The following CAMTA1 variants were observed in gnomAD, a reference collection of about 807,000 sequenced individuals.
The protein encoded by CAMTA1 is calmodulin binding transcription activator 1.
Under a neutral mutation model 170.9 loss-of-function variants are expected in CAMTA1, and 27 were observed. The observed-to-expected ratio is 0.16, with a 90% CI of 0.12 to 0.22. The LOEUF is 0.22. CAMTA1 is among the 10% of genes least tolerant of loss of function. The pLI is 1.00. For synonymous variants in CAMTA1, 833 were observed against 891.5 expected, an observed-to-expected ratio of 0.93 and a Z score of 1.17; for missense variants, 1,619 against 2,217.2, an observed-to-expected ratio of 0.73 and a Z score of 5.42.
At chr1:7,666,012 A>G (rs1056693550) in intron 9 of CAMTA1, among the ~76,000 whole-genome samples, 19 of 152,058 alleles carry the variant, frequency 1.2e-4, no homozygotes, top group Admixed American at 1.2e-3. Flanking sequence ...TACTAAAAAT[A>G]CAAAAAATTA....
chr1:7,682,533 G>A lies in CAMTA1; in HGVS notation c.2914+4800G>A, dbSNP rs1183429691. Among the ~76,000 whole-genome samples, 1 of 152,254 alleles carries A rather than the reference G, an allele frequency of 6.6e-6. No individual in the cohort carries two copies. Among genetic ancestry groups the A allele is most frequent in the East Asian group, 1.9e-4 (1 of 5,200 alleles). ...TTCGGAGCTGCCACCTTAGGTGTGA[G>A]AGGGCCTGTCCCTGGCATGTGGCTG... On this transcript the variant is annotated intron_variant, in intron 11 of 22. Coordinates refer to ENST00000303635, the MANE Select transcript of CAMTA1 (RefSeq NM_015215.4). This position sits in a 1 kb window ranked among gnomAD's most constrained non-coding sequence, Gnocchi z 5.0.
chr1:6,883,201 C>T (rs1290644429), intron 3 of CAMTA1, among the ~76,000 whole-genome samples: 1 of 152,116 alleles, frequency 6.6e-6, no homozygotes, highest in Non-Finnish European at 1.5e-5. Flanking sequence ...GACAAGGAAG[C>T]TCATGTTTCA....
chr1:7,324,957 C>T (rs536784168), intron 5 of CAMTA1, among the ~76,000 whole-genome samples: 1 of 152,266 alleles, frequency 6.6e-6, no homozygotes, highest in Admixed American at 6.5e-5. Flanking sequence ...CCATGACCAA[C>T]CCCCACCCAG....
intron 5 of CAMTA1, among the ~76,000 whole-genome samples, chr1:7,252,503 G>C (rs932973700): frequency 6.6e-6 from 1 of 152,210 alleles, no homozygotes; most frequent in African/African-American, 2.4e-5. Context: ...AAGCCCAGGG[G>C]GTGTGCTCTG....
intron 3 of CAMTA1, among the ~76,000 whole-genome samples, chr1:6,925,166 A>G (rs1485226121): frequency 3.9e-5 from 6 of 152,180 alleles, no homozygotes; most frequent in Non-Finnish European, 8.8e-5. Flanking sequence ...TGGAGAAGCC[A>G]TTTCTGAACC....
In CAMTA1 at chr1:7,532,147, C is replaced by T. The variant is rs771389477; in HGVS notation, c.510+64246C>T. 1.1e-4 allele frequency among the ~76,000 whole-genome samples: 16 copies of T among 151,992 alleles called. No homozygotes were observed. The highest frequency in any genetic ancestry group is 2.1e-4 in the Non-Finnish European group (14 of 68,020). On this transcript the variant is annotated intron_variant, in intron 6 of 22. Coordinates refer to ENST00000303635, the MANE Select transcript of CAMTA1 (RefSeq NM_015215.4). The surrounding 1 kb of genome is among the most constrained non-coding windows in gnomAD (Gnocchi z 4.2). ...CTGGAGGCTCCCGGGCCCACCCGAG[C>T]CCTAAGCTGCAGCCCTTGGGACGTC...
At chr1:6,884,218 G>T (rs1220958511) in intron 3 of CAMTA1, among the ~76,000 whole-genome samples, 1 of 151,298 alleles carries the variant, frequency 6.6e-6, no homozygotes, top group Non-Finnish European at 1.5e-5. Context: ...ATGGCAGTTG[G>T]TAGAGGTCAT....
intron 22 of CAMTA1, among the ~76,000 whole-genome samples, chr1:7,758,841 A>G (rs2096952397): frequency 6.6e-6 from 1 of 150,492 alleles, no homozygotes; most frequent in African/African-American, 2.4e-5. Context: ...AGGCTGAGGC[A>G]GGAGAATGGT....
intron 6 of CAMTA1, among the ~76,000 whole-genome samples, chr1:7,566,588 A>C (rs923514954): frequency 6.6e-6 from 1 of 152,050 alleles, no homozygotes; most frequent in Admixed American, 6.5e-5. Flanking sequence ...CAAGAAAATC[A>C]CATGACCATG....
chr1:7,398,183 CTCTCTCTCTCTATATATATATATAT>C (rs1162945319), intron 5 of CAMTA1, among the ~76,000 whole-genome samples: 1 of 45,220 alleles, frequency 2.2e-5, no homozygotes, highest in African/African-American at 8.8e-5. Context: ...CTCTCTCTCT[CTCTCTCTCTCTATATATATATATAT>C]ATATATATAT....
chr1:7,409,846 G>C (rs1296879874), intron 5 of CAMTA1, among the ~76,000 whole-genome samples: 1 of 152,228 alleles, frequency 6.6e-6, no homozygotes, highest in Admixed American at 6.5e-5. Flanking sequence ...TGACACCCAA[G>C]TTCTTTTGGA....
At chr1:7,296,265 C>A (rs1673926590) in intron 5 of CAMTA1, among the ~76,000 whole-genome samples, 1 of 152,076 alleles carries the variant, frequency 6.6e-6, no homozygotes, top group Non-Finnish European at 1.5e-5. Context: ...AAATGGAGGC[C>A]CAGAGAGTTA....
At chr1:7,330,657 A>G (rs1332978766) in intron 5 of CAMTA1, among the ~76,000 whole-genome samples, 2 of 152,356 alleles carry the variant, frequency 1.3e-5, no homozygotes, top group South Asian at 4.1e-4. Flanking sequence ...TACCCAGGAC[A>G]TGTGAACATG....
chr1:7,373,166 C>A (rs998936197), intron 5 of CAMTA1, among the ~76,000 whole-genome samples: 2 of 152,170 alleles, frequency 1.3e-5, no homozygotes, highest in Admixed American at 1.3e-4. Context: ...GGGGGGCTGT[C>A]CTGTGCATTG....
At chr1:7,346,401 A>C (rs1205988636) in intron 5 of CAMTA1, among the ~76,000 whole-genome samples, 1 of 152,156 alleles carries the variant, frequency 6.6e-6, no homozygotes. Context: ...GATGACTCTG[A>C]GCTGCCTCCT....
intron 5 of CAMTA1, among the ~76,000 whole-genome samples, chr1:7,274,388 G>C (rs904349642): frequency 6.6e-6 from 1 of 152,146 alleles, no homozygotes; most frequent in African/African-American, 2.4e-5. Context: ...TGATAAGAGG[G>C]TCAGTCCGTT....
Position 7,249,775 on chromosome 1 carries a change from T to C in CAMTA1, c.438+149T>C, listed in dbSNP as rs966922469. The stretch of plus-strand genomic sequence containing the variant: ...CCCTGGTTTTTGCTTTTGTTTCGTT[T>C]TTCTACCTTCTTACCCTATAGTCTC... On this transcript the variant is annotated intron_variant, in intron 5 of 22. Coordinates refer to ENST00000303635, the MANE Select transcript of CAMTA1 (RefSeq NM_015215.4). This position sits in a 1 kb window ranked among gnomAD's most constrained non-coding sequence, Gnocchi z 4.4. The C allele has an allele frequency of 1.1e-6, 1 of 902,378 alleles. No individual in the cohort carries two copies. The highest frequency in any genetic ancestry group is 1.7e-5 in the African/African-American group (1 of 59,402). 55.9% of individuals were successfully genotyped at this position (902,378 alleles called of 1,614,324 possible). A position where few individuals can be genotyped will look rare whatever the true frequency, so the allele number is the denominator to read the frequency against.
At chr1:7,156,102 T>C (rs1646864992) in intron 4 of CAMTA1, among the ~76,000 whole-genome samples, 1 of 148,196 alleles carries the variant, frequency 6.7e-6, no homozygotes, top group Non-Finnish European at 1.5e-5. Context: ...ATGGCCAACA[T>C]GTCTCTACAA....
chr1:7,496,507 G>A lies in CAMTA1; in HGVS notation c.510+28606G>A, dbSNP rs540230445. 6.6e-5 allele frequency among the ~76,000 whole-genome samples: 10 copies of A among 152,320 alleles called. No individual in the cohort carries two copies. In the East Asian group the frequency reaches 7.7e-4, roughly 12 times the overall value. On this transcript the variant is annotated intron_variant, in intron 6 of 22. Coordinates refer to ENST00000303635, the MANE Select transcript of CAMTA1 (RefSeq NM_015215.4). ...CAGGTCCTCCTGCAGCAGACAGGGC[G>A]GACATGGGCTCTGCTGGCTGCAGTG... is the stretch of plus-strand genomic sequence containing the variant.
Sources: gnomAD v4.1 joint callset for allele counts (sites outside exome capture counted in the v4.1 genomes callset) on GRCh38, gnomAD v4.1.1 for gene constraint, Gnocchi (gnomAD v3.1) non-coding constraint, MANE v1.5 for transcripts, NCBI Gene and HGNC (gene_info 2026-07-23, HGNC 2026-07-21) for gene names.